SECISBP2: variants seen among roughly 807,000 people sequenced by gnomAD.
SECISBP2 encodes SECIS binding protein 2, also known as selenocysteine insertion sequence-binding protein 2.
Under a neutral mutation model 98.2 loss-of-function variants are expected in SECISBP2, and 96 were observed. The observed-to-expected ratio is 0.98, with a 90% CI of 0.83 to 1.16. The LOEUF is 1.16. Among genes scored for constraint, SECISBP2 ranks in the 50% most tolerant of loss-of-function variants. The pLI, the probability that SECISBP2 is intolerant of heterozygous loss-of-function variation, is 0.00. For missense variants in SECISBP2, 1,046 were observed against 1,022.9 expected, an observed-to-expected ratio of 1.02 and a Z score of -0.31; for synonymous variants, 407 against 370.2, an observed-to-expected ratio of 1.10 and a Z score of -1.14.
intron 1 of SECISBP2, among the ~76,000 whole-genome samples, chr9:89,319,451 G>A (rs1439710686): frequency 6.6e-6 from 1 of 151,646 alleles, no homozygotes; most frequent in Non-Finnish European, 1.5e-5. Flanking sequence ...TTTAATGTTT[G>A]AACTACTGCC....
At position 89,346,875 on chromosome 9, in the gene SECISBP2, G is replaced by C; in HGVS notation, c.1436-7G>C. 2 of 1,614,062 alleles carry C rather than the reference G, an allele frequency of 1.2e-6. No homozygotes were observed. The highest frequency in any genetic ancestry group is 1.7e-6 in the Non-Finnish European group (2 of 1,179,992). On this transcript the variant is annotated splice_polypyrimidine_tract_variant and splice_region_variant and intron_variant, in intron 10 of 16. Transcript: ENST00000375807. ...GACCGTGAGGGCTTTGTCCCACTGC[G>C]TTTCAGTTGGAGCAGTGCCAGTCCT...
At chr9:89,363,814 A>G (rs762303154), downstream of SECISBP2, 25 of 1,614,100 alleles carry the variant, frequency 1.5e-5, no homozygotes, top group Middle Eastern at 3.3e-4. Flanking sequence ...AGCGATACTC[A>G]GCGCTTTCCC....
At chr9:89,362,249 A>G (rs1369709535), downstream of SECISBP2, 8 of 1,332,286 alleles carry the variant, frequency 6.0e-6, no homozygotes, top group Non-Finnish European at 7.5e-6. Context: ...GCCTCTGCCC[A>G]TCAGGTGGTG....
intron 5 of SECISBP2, 83 bp downstream of exon 5, chr9:89,328,969 C>T (rs117852708): frequency 0.021 from 25,345 of 1,187,218 alleles, 364 homozygotes; most frequent in Non-Finnish European, 0.027. Flanking sequence ...TTAAATCTTG[C>T]TGTGGGCTTT....
chr9:89,365,642 C>G, the SECISBP2 span: 1 of 152,228 alleles, frequency 6.6e-6, no homozygotes, highest in Admixed American at 6.5e-5. Flanking sequence ...GAACACTGAG[C>G]AGGTAAAACA....
At position 89,344,891 on chromosome 9, in the gene SECISBP2, G is replaced by A. The variant is rs536570843; in HGVS notation, c.1436-1991G>A. Reference sequence around the variant, plus strand: ...ACTTTATACAGCCATATCTTTTAAAGAAGAGAAGGAACAAGGAAAAAATAT... The same window carrying A: ...ACTTTATACAGCCATATCTTTTAAAAAAGAGAAGGAACAAGGAAAAAATAT... On this transcript the variant is annotated intron_variant, in intron 10 of 16. Coordinates refer to ENST00000375807, the MANE Select transcript of SECISBP2 (RefSeq NM_024077.5). Among the ~76,000 whole-genome samples the A allele has an allele frequency of 4.6e-5, 7 of 152,230 alleles. No individual in the cohort carries two copies. The South Asian group carries it at 1.5e-3, about 32-fold the overall frequency.
downstream of SECISBP2, among the ~76,000 whole-genome samples, chr9:89,362,656 A>C (rs140135153): frequency 6.6e-6 from 1 of 152,330 alleles, no homozygotes; most frequent in Non-Finnish European, 1.5e-5. Context: ...GATTGTGCTG[A>C]GAGGCAGGAG....
At chr9:89,329,126 G>GT (rs1321906157) in intron 5 of SECISBP2, 1 of 500,398 alleles carries the variant, frequency 2.0e-6, no homozygotes, top group African/African-American at 2.0e-5. Context: ...GTTTTGTTTT[G>GT]TTTTTGAAAC....
downstream of SECISBP2, chr9:89,364,551 C>T (rs139183617): frequency 1.5e-3 from 239 of 164,420 alleles, 1 homozygote; most frequent in African/African-American, 5.4e-3. Context: ...CTAGGACTGC[C>T]GAGTGCAGCA....
intron 4 of SECISBP2, among the ~76,000 whole-genome samples, chr9:89,327,708 G>A (rs755757944): frequency 6.6e-6 from 1 of 152,064 alleles, no homozygotes; most frequent in African/African-American, 2.4e-5. Context: ...AGTAACATGC[G>A]TGGAGCTGTC....
At position 89,339,759 on chromosome 9, in the gene SECISBP2, A is replaced by T. The variant is rs1829369617; in HGVS notation, c.1213-105A>T. On this transcript the variant is annotated intron_variant, in intron 8 of 16. Coordinates refer to ENST00000375807, the MANE Select transcript of SECISBP2 (RefSeq NM_024077.5). The stretch of plus-strand genomic sequence containing the variant: ...GTTTCGCGGCTTTTTTTTTTAAATC[A>T]CTTTTAAGGGACCTTACTGAAGAAT... The T allele has an allele frequency of 4.9e-6, 4 of 821,632 alleles. No individual in the cohort carries two copies. In the Admixed American group the frequency reaches 8.2e-5, roughly 17 times the overall value. 50.9% of individuals were successfully genotyped at this position (821,632 alleles called of 1,614,324 possible).
chr9:89,325,245 T>G, intron 2 of SECISBP2, 182 bp from the exon 3 acceptor site: 1 of 622,216 alleles, frequency 1.6e-6, no homozygotes, highest in Non-Finnish European at 2.8e-6. Context: ...GTCAACATCT[T>G]TCTTTGCAGG....
chr9:89,332,479 C>T (rs1276741635), intron 5 of SECISBP2: 1 of 242,912 alleles, frequency 4.1e-6, no homozygotes, highest in Non-Finnish European at 8.1e-6. Flanking sequence ...CTGTTTATCC[C>T]TTCCTCCCCT....
At chr9:89,353,788 T>C (rs765242529) in intron 14 of SECISBP2, among the ~76,000 whole-genome samples, 32 of 152,246 alleles carry the variant, frequency 2.1e-4, no homozygotes, top group Non-Finnish European at 5.9e-5. Flanking sequence ...TCATTCTCCT[T>C]CTCTGCCTCT....
At chr9:89,351,069 G>A (rs1282441770) in intron 14 of SECISBP2, among the ~76,000 whole-genome samples, 1 of 152,300 alleles carries the variant, frequency 6.6e-6, no homozygotes, top group South Asian at 2.1e-4. Context: ...GATCCTGCAC[G>A]CTGGGAGGCC....
intron 7 of SECISBP2, among the ~76,000 whole-genome samples, chr9:89,336,406 T>C (rs576236097): frequency 1.9e-3 from 288 of 152,170 alleles, no homozygotes; most frequent in Middle Eastern, 0.017. Flanking sequence ...GGTCTAAATA[T>C]GGTTGTTGAT....
In SECISBP2 at chr9:89,350,678, G is replaced by C; in HGVS notation, c.1939G>C (p.Asp647His). The change falls in exon 14 of 17, where the codon GAC (aspartate) becomes CAC (histidine). Residue 647 changes from aspartate to histidine, a missense_variant. Transcript: ENST00000375807. ...LSKEVDACVT[D>H]LLKELVRFQD... ...TAAAGAAGTGGATGCTTGTGTTACC[G>C]ACCTACTCAAAGAACTGGTCCGTTT... 3 of 1,614,098 alleles carry C rather than the reference G, an allele frequency of 1.9e-6. No individual in the cohort carries two copies. The highest frequency in any genetic ancestry group is 1.6e-4 in the Middle Eastern group (1 of 6,062).
chr9:89,322,933 C>G (rs1053851288), intron 2 of SECISBP2: 1 of 151,988 alleles, frequency 6.6e-6, no homozygotes, highest in African/African-American at 2.4e-5. Flanking sequence ...TAAATGGGGT[C>G]ATTGTAATCA....
intron 4 of SECISBP2, among the ~76,000 whole-genome samples, chr9:89,327,854 A>G (rs1378038682): frequency 6.7e-6 from 1 of 149,806 alleles, no homozygotes; most frequent in African/African-American, 2.5e-5. Flanking sequence ...TGTGTTACAC[A>G]GGCTGGAGTG....
Sources: gnomAD v4.1 joint callset for allele counts (sites outside exome capture counted in the v4.1 genomes callset) on GRCh38, gnomAD v4.1.1 for gene constraint, MANE v1.5 for transcripts, NCBI Gene and HGNC (gene_info 2026-07-23, HGNC 2026-07-21) for gene names.